The following SH3YL1 variants were observed in gnomAD, a reference collection of about 807,000 sequenced individuals.
SH3YL1 encodes the protein SH3 and SYLF domain containing 1, also known as SH3 domain-containing YSC84-like protein 1.
In SH3YL1, 41 loss-of-function variants were observed where a neutral mutation model predicts 45.8. The observed-to-expected ratio is 0.89, with a 90% CI of 0.70 to 1.16. The LOEUF (loss-of-function observed/expected upper bound fraction) is 1.16, where lower values mean the gene tolerates loss of function less well. SH3YL1 is among the 50% of genes most tolerant of loss of function. The probability of loss-of-function intolerance (pLI) is 0.00; values close to 1 mark genes in which losing one functional copy is unlikely to be tolerated. For synonymous variants in SH3YL1, 152 were observed against 151.4 expected (o/e 1.00, Z -0.03); for missense variants, 389 against 409.6 (o/e 0.95, Z 0.43).
intron 4 of SH3YL1, among the ~76,000 whole-genome samples, chr2:244,235 G>A (rs566730818): frequency 1.3e-5 from 2 of 151,670 alleles, no homozygotes; most frequent in South Asian, 2.1e-4. Flanking sequence ...GGTGGCTCAC[G>A]CCTTTAATCC....
intron 8 of SH3YL1, among the ~76,000 whole-genome samples, chr2:228,894 G>A (rs183688477): frequency 4.3e-4 from 66 of 152,260 alleles, no homozygotes; most frequent in Non-Finnish European, 2.8e-4. Context: ...CCGAGGATGC[G>A]CTTCCCGCCT....
intron 4 of SH3YL1, among the ~76,000 whole-genome samples, chr2:234,944 C>A (rs1205983463): frequency 6.6e-6 from 1 of 152,122 alleles, no homozygotes; most frequent in African/African-American, 2.4e-5. Flanking sequence ...GTGGCGTGAT[C>A]TGAGCTCACT....
chr2:225,372 C>T (rs1053885928), intron 8 of SH3YL1, among the ~76,000 whole-genome samples: 1 of 152,162 alleles, frequency 6.6e-6, no homozygotes, highest in African/African-American at 2.4e-5. Context: ...GTTTGCTTTT[C>T]TTCTTCAACT....
chr2:219,004 G>GAAAA lies in SH3YL1; in HGVS notation c.839-4_839-3insTTTT, dbSNP rs1341453219. 5 of 1,597,396 alleles carry GAAAA rather than the reference G, an allele frequency of 3.1e-6. No homozygotes were observed. Among genetic ancestry groups the GAAAA allele is most frequent in the Admixed American group, 1.8e-5 (1 of 56,942 alleles). On this transcript the variant is annotated splice_region_variant and splice_polypyrimidine_tract_variant and intron_variant, in intron 9 of 9. Transcript: ENST00000356150. ...TTCTATGGGTTGATTCAAATTGCCTGAAACAAGAAAAAAGTATTCACGTTT... is the reference window on the plus strand; with the variant it reads ...TTCTATGGGTTGATTCAAATTGCCTGAAAAAAACAAGAAAAAAGTATTCACGTTT...
rs1669076858 is a variant in SH3YL1, at chr2:251,672, C to T, written c.112+1333G>A. Among the ~76,000 whole-genome samples the T allele has an allele frequency of 3.3e-5, 5 of 152,142 alleles. No homozygotes were observed. In the South Asian group the frequency reaches 8.3e-4, roughly 25 times the overall value. Reference sequence around the variant, plus strand: ...GGGAGGAATGCAGACTGATTTGTGACGTCTGAGCAGATTTCTCACAAGCTC... The same window carrying T: ...GGGAGGAATGCAGACTGATTTGTGATGTCTGAGCAGATTTCTCACAAGCTC... On this transcript the variant is annotated intron_variant, in intron 2 of 9. Coordinates refer to ENST00000356150, the MANE Select transcript of SH3YL1 (RefSeq NM_015677.4).
intron 1 of SH3YL1, chr2:260,690 G>A (rs1365436475): frequency 6.6e-6 from 1 of 152,234 alleles, no homozygotes; most frequent in African/African-American, 2.4e-5. Flanking sequence ...AAATGGACCA[G>A]CAACATCTTT....
In SH3YL1 at chr2:233,249, G is replaced by C; in HGVS notation, c.405-20C>G. On this transcript the variant is annotated intron_variant, in intron 5 of 9. Transcript: ENST00000356150. ...AAGTTCCTGCAAAGCACAAGATTTT[G>C]CATCACAAAGCTGTGAGCAGCTCCA... 2 of 1,539,174 alleles carry C rather than the reference G, an allele frequency of 1.3e-6. No individual in the cohort carries two copies. Among genetic ancestry groups the C allele is most frequent in the Non-Finnish European group, 1.8e-6 (2 of 1,140,154 alleles).
intron 2 of SH3YL1, among the ~76,000 whole-genome samples, chr2:252,570 A>G (rs1669116692): frequency 6.6e-6 from 1 of 152,214 alleles, no homozygotes; most frequent in Non-Finnish European, 1.5e-5. Context: ...GCAAGGCCTT[A>G]TGATGACTGT....
Position 224,841 on chromosome 2 carries a change from A to T in SH3YL1, c.838+23T>A, listed in dbSNP as rs1362057742. ...CACAAAATGAATATGAATCATTTAT[A>T]ACATATAGATTTACTGATTTACCAA... On this transcript the variant is annotated intron_variant, in intron 9 of 9. Transcript: ENST00000356150. 2.0e-6 allele frequency: 3 copies of T among 1,532,548 alleles called. No homozygotes were observed. In the Admixed American group the frequency reaches 5.0e-5, roughly 26 times the overall value. 94.9% of individuals were successfully genotyped at this position (1,532,548 alleles called of 1,614,324 possible).
chr2:248,681 T>G (rs558067526), intron 3 of SH3YL1, among the ~76,000 whole-genome samples: 2 of 152,162 alleles, frequency 1.3e-5, no homozygotes, highest in African/African-American at 4.8e-5. Flanking sequence ...AATGGAGCAG[T>G]TGGGGACCTG....
rs541176946 is a variant in SH3YL1 at position 247,729 on chromosome 2, G to T, written c.227-127C>A. On this transcript the variant is annotated intron_variant, in intron 3 of 9. Transcript: ENST00000356150. ...AATAATGAGACTTGGTATTTCCCCT[G>T]ATTTTAAAGTGATCTTCAAAAAGAA... 8 of 646,876 alleles carry T rather than the reference G, an allele frequency of 1.2e-5. No individual in the cohort carries two copies. In the Admixed American group the frequency reaches 2.0e-4, roughly 16 times the overall value. The allele number at this position is 646,876 out of a possible 1,614,324, so 40.1% of individuals were successfully genotyped here.
intron 4 of SH3YL1, chr2:241,493 A>G (rs1233858525): frequency 6.6e-6 from 1 of 152,152 alleles, no homozygotes; most frequent in African/African-American, 2.4e-5. Context: ...TTTCTCAAAG[A>G]AATAATGGCT....
chr2:237,419 T>C (rs1216559878), intron 4 of SH3YL1, among the ~76,000 whole-genome samples: 2 of 151,868 alleles, frequency 1.3e-5, no homozygotes, highest in African/African-American at 4.8e-5. Context: ...TGAGCAGCAA[T>C]GGCCCTCAGT....
chr2:243,659 T>C (rs1031592938), intron 4 of SH3YL1: 1 of 1,358,808 alleles, frequency 7.4e-7, no homozygotes, highest in Non-Finnish European at 9.8e-7. Flanking sequence ...CAGCCTTGCT[T>C]GGACCTTTCC....
chr2:221,802 G>A (rs1340821688), intron 9 of SH3YL1, among the ~76,000 whole-genome samples: 1 of 132,074 alleles, frequency 7.6e-6, no homozygotes, highest in Non-Finnish European at 1.8e-5. Context: ...AATCACAAGA[G>A]TGAGGCCAGC....
intron 1 of SH3YL1, chr2:259,541 C>G (rs914715449): frequency 6.6e-6 from 1 of 151,344 alleles, no homozygotes; most frequent in Non-Finnish European, 1.5e-5. Context: ...GGAAAATAAA[C>G]AAGCAAGAAG....
At chr2:258,419 G>A (rs1292331610) in intron 1 of SH3YL1, among the ~76,000 whole-genome samples, 1 of 152,112 alleles carries the variant, frequency 6.6e-6, no homozygotes, top group Non-Finnish European at 1.5e-5. Flanking sequence ...TGTAAAATAG[G>A]TGTTTTAAAT....
chr2:225,635 C>T (rs892262613), intron 8 of SH3YL1, among the ~76,000 whole-genome samples: 1 of 152,188 alleles, frequency 6.6e-6, no homozygotes, highest in African/African-American at 2.4e-5. Context: ...GAAAAGGATA[C>T]AAATATCCTC....
intron 2 of SH3YL1, among the ~76,000 whole-genome samples, chr2:251,756 C>T (rs1199366132): frequency 6.6e-6 from 1 of 152,158 alleles, no homozygotes. Context: ...CTCTAACAAG[C>T]ACCGTTTCCT....
Sources: gnomAD v4.1 joint callset for allele counts (sites outside exome capture counted in the v4.1 genomes callset) on GRCh38, gnomAD v4.1.1 for gene constraint, MANE v1.5 for transcripts, NCBI Gene and HGNC (gene_info 2026-07-23, HGNC 2026-07-21) for gene names.